Variants in CPEB2 observed in about 807,000 individuals in gnomAD.
CPEB2 encodes cytoplasmic polyadenylation element-binding protein 2.
CPEB2 carries 56 observed loss-of-function variants against 93.6 expected under a neutral mutation model. The ratio of observed to expected loss-of-function variants is 0.60; its 90% CI spans 0.48 to 0.75. CPEB2 has a LOEUF of 0.75. Among genes scored for constraint, CPEB2 ranks in the 30% least tolerant of loss-of-function variants. The probability of loss-of-function intolerance (pLI) is 0.00; values close to 1 mark genes in which losing one functional copy is unlikely to be tolerated. For synonymous variants in CPEB2, 764 were observed against 586.3 expected (o/e 1.30, Z -4.38); for missense variants, 1,579 against 1,395.1 (o/e 1.13, Z -2.10).
In CPEB2 at chr4:15,068,704, TA is replaced by T. The variant is rs1729878632; in HGVS notation, c.*2326del. On this transcript the variant is annotated 3_prime_UTR_variant, in exon 12 of 12. Coordinates refer to ENST00000538197, the MANE Select transcript of CPEB2 (RefSeq NM_001177382.2). ...TATTAAATAATGAACACAAATTATATAATTAAAATAATTGGAGATGTTGAAA... is the reference window on the plus strand; with the variant it reads ...TATTAAATAATGAACACAAATTATATATTAAAATAATTGGAGATGTTGAAA... 6.6e-6 allele frequency: 1 copy of T among 152,316 alleles called. No individual in the cohort carries two copies. The highest frequency in any genetic ancestry group is 2.4e-5 in the African/African-American group (1 of 41,424). 9.4% of individuals were successfully genotyped at this position (152,316 alleles called of 1,614,324 possible).
chr4:15,003,760 G>A lies in CPEB2; in HGVS notation c.1087G>A (p.Gly363Arg), dbSNP rs923018642. The A allele has an allele frequency of 8.1e-7, 1 of 1,234,980 alleles. No individual in the cohort carries two copies. The allele number at this position is 1,234,980 out of a possible 1,614,324, so 76.5% of individuals were successfully genotyped here. A position where few individuals can be genotyped will look rare whatever the true frequency, so the allele number is the denominator to read the frequency against. The change falls in exon 1 of 12, where the codon GGA becomes AGA. Residue 363 changes from glycine to arginine, a missense_variant. Physicochemically the swap from Gly to Arg is moderately radical, Grantham distance 125. Around this residue, in one of 2 missense-constraint regions of CPEB2, gnomAD observed 1,411 missense variants for 1,056.0 expected, o/e 1.34. Coordinates refer to ENST00000538197, the MANE Select transcript of CPEB2 (RefSeq NM_001177382.2). ...CGGCGGCGGGGGCGGGGGGCCCCCA[G>A]GAGGCGGAGGGGGAGGCGGCTCCGC... ...GGGGGGGGPP[G>R]GGGGGGSASP...
At chr4:15,055,788 A>T (rs1728660765) in intron 8 of CPEB2, among the ~76,000 whole-genome samples, 1 of 152,172 alleles carries the variant, frequency 6.6e-6, no homozygotes, top group Non-Finnish European at 1.5e-5. Context: ...CCAGTCCCAC[A>T]AACTGGCCTT....
Position 15,007,289 on chromosome 4 carries a change from G to A in CPEB2, c.1663-16G>A. The A allele has an allele frequency of 3.5e-6, 5 of 1,421,068 alleles. No individual in the cohort carries two copies. Among genetic ancestry groups the A allele is most frequent in the Non-Finnish European group, 4.6e-6 (5 of 1,079,238 alleles). The allele number at this position is 1,421,068 out of a possible 1,614,324, so 88.0% of individuals were successfully genotyped here. A position where few individuals can be genotyped will look rare whatever the true frequency, so the allele number is the denominator to read the frequency against. On this transcript the variant is annotated splice_polypyrimidine_tract_variant and intron_variant, in intron 1 of 11. Coordinates refer to ENST00000538197, the MANE Select transcript of CPEB2 (RefSeq NM_001177382.2). ...TTCTTTAAATGCCGCAATTTAAATA[G>A]CTATGTTTTCCCTAGCCTCTTCTGA...
At chr4:15,026,879 T>C (rs1725531596) in intron 4 of CPEB2, among the ~76,000 whole-genome samples, 1 of 152,216 alleles carries the variant, frequency 6.6e-6, no homozygotes, top group South Asian at 2.1e-4. Context: ...TATGCTTGTT[T>C]CTGAGGCTGT....
intron 4 of CPEB2, among the ~76,000 whole-genome samples, chr4:15,024,004 A>C (rs2109007136): frequency 6.6e-6 from 1 of 152,088 alleles, no homozygotes; most frequent in Middle Eastern, 3.4e-3. Flanking sequence ...CTTTTTCATA[A>C]AGCTTTCTTT....
chr4:15,013,843 T>G (rs1723790769), intron 3 of CPEB2, among the ~76,000 whole-genome samples: 1 of 152,030 alleles, frequency 6.6e-6, no homozygotes, highest in Non-Finnish European at 1.5e-5. Context: ...GCTGTTTTCT[T>G]TCCTAGAGTA....
intron 3 of CPEB2, among the ~76,000 whole-genome samples, chr4:15,013,198 A>G (rs911166544): frequency 6.6e-6 from 1 of 152,032 alleles, no homozygotes; most frequent in African/African-American, 2.4e-5. Context: ...TAAATATTAT[A>G]ATAAAAGAGG....
intron 5 of CPEB2, among the ~76,000 whole-genome samples, chr4:15,037,454 T>A (rs1297887344): frequency 6.6e-6 from 1 of 152,206 alleles, no homozygotes; most frequent in East Asian, 1.9e-4. Flanking sequence ...TGTATGCCTA[T>A]CCCTTCCTCT....
intron 6 of CPEB2, among the ~76,000 whole-genome samples, chr4:15,041,449 C>T (rs369074149): frequency 6.6e-6 from 1 of 151,322 alleles, no homozygotes; most frequent in East Asian, 1.9e-4. Flanking sequence ...GTTGCCCAGG[C>T]TGGAGTGCAG....
At chr4:15,032,035 A>T (rs77988559) in intron 4 of CPEB2, among the ~76,000 whole-genome samples, 3,889 of 152,292 alleles carry the variant, frequency 0.026, 74 homozygotes, top group Non-Finnish European at 0.038. Context: ...ACTGTGCTGA[A>T]AATTACTAAA....
intron 7 of CPEB2, 61 bp downstream of exon 7, chr4:15,052,645 G>T (rs1728339066): frequency 8.9e-7 from 1 of 1,125,698 alleles, no homozygotes; most frequent in Admixed American, 2.8e-5. Flanking sequence ...AAAAAGATAT[G>T]AAATTTAATG....
rs1722185676 is a variant in CPEB2, at chr4:15,003,058, G to C, written c.385G>C (p.Ala129Pro). The change falls in exon 1 of 12, where the codon GCG (alanine) becomes CCG (proline). Residue 129 changes from alanine (A) to proline (P), a missense_variant. Around this residue, in one of 2 missense-constraint regions of CPEB2, gnomAD observed 1,411 missense variants for 1,056.0 expected, o/e 1.34. Coordinates refer to ENST00000538197, the MANE Select transcript of CPEB2 (RefSeq NM_001177382.2). ...CCACCACCCCGGCGGCGGCACGATC[G>C]CGGGTGTGACCCACCTCCTCCCCTC... ...PDHHPGGGTI[A>P]GVTHLLPSQD... 2.6e-6 allele frequency: 4 copies of C among 1,519,880 alleles called. No homozygotes were observed. The highest frequency in any genetic ancestry group is 3.5e-6 in the Non-Finnish European group (4 of 1,142,022). 94.1% of individuals were successfully genotyped at this position (1,519,880 alleles called of 1,614,324 possible).
At chr4:15,024,841 G>A (rs1196093003) in intron 4 of CPEB2, among the ~76,000 whole-genome samples, 1 of 150,598 alleles carries the variant, frequency 6.6e-6, no homozygotes, top group African/African-American at 2.4e-5. Context: ...TGCCTCCCGG[G>A]TTCAAGTGAT....
chr4:15,051,436 T>C (rs901646323), intron 6 of CPEB2, among the ~76,000 whole-genome samples: 17 of 152,228 alleles, frequency 1.1e-4, no homozygotes, highest in Admixed American at 3.3e-4. Flanking sequence ...CATTTTCTTA[T>C]GTTTCTCCTT....
In CPEB2 at chr4:15,003,340, C is replaced by T. The variant is rs1165292623; in HGVS notation, c.667C>T (p.Gln223Ter). 1 of 1,398,044 alleles carries T rather than the reference C, an allele frequency of 7.2e-7. No homozygotes were observed. The highest frequency in any genetic ancestry group is 3.7e-5 in the Admixed American group (1 of 27,364). 86.6% of individuals were successfully genotyped at this position (1,398,044 alleles called of 1,614,324 possible). ...AGCCGGCCCGCTCCTCCAGCCGGCG[C>T]AGCTCGCTCAGCGCCAGCAGCAACA... ...PPAGPLLQPA[Q>*]LAQRQQQQPP... Residue 223 changes from glutamine (Q) to a stop codon, truncating the protein, a stop_gained, in exon 1 of 12, where the codon CAG becomes TAG. Coordinates refer to ENST00000538197, the MANE Select transcript of CPEB2 (RefSeq NM_001177382.2). LOFTEE classifies it high-confidence loss of function.
chr4:15,052,972 T>A (rs1728369763), intron 7 of CPEB2, among the ~76,000 whole-genome samples: 1 of 151,842 alleles, frequency 6.6e-6, no homozygotes, highest in Non-Finnish European at 1.5e-5. Context: ...TAAGATAATA[T>A]CTGCAATGCT....
rs960185658 is a variant in CPEB2 at position 15,067,239 on chromosome 4, G to A, written c.*859G>A. The stretch of plus-strand genomic sequence containing the variant: ...GTAGCATGAACAAATTATAAAATTT[G>A]TTTAAAAAAGCAAACTTGCATGCAT... On this transcript the variant is annotated 3_prime_UTR_variant, in exon 12 of 12. Coordinates refer to ENST00000538197, the MANE Select transcript of CPEB2 (RefSeq NM_001177382.2). 6.6e-6 allele frequency: 1 copy of A among 151,688 alleles called. No individual in the cohort carries two copies. The highest frequency in any genetic ancestry group is 2.4e-5 in the African/African-American group (1 of 41,354). 9.4% of individuals were successfully genotyped at this position (151,688 alleles called of 1,614,324 possible). A position where few individuals can be genotyped will look rare whatever the true frequency, so the allele number is the denominator to read the frequency against.
intron 4 of CPEB2, among the ~76,000 whole-genome samples, chr4:15,018,629 A>T (rs1462794329): frequency 6.6e-6 from 1 of 151,492 alleles, no homozygotes; most frequent in Non-Finnish European, 1.5e-5. Flanking sequence ...GCAGCTTATG[A>T]TTAAGAAGTT....
At chr4:15,037,488 C>A (rs1364921195) in intron 5 of CPEB2, among the ~76,000 whole-genome samples, 1 of 152,134 alleles carries the variant, frequency 6.6e-6, no homozygotes, top group Non-Finnish European at 1.5e-5. Context: ...CAAGTTACCA[C>A]AACTGTAGCT....
Sources: gnomAD v4.1 joint callset for allele counts (sites outside exome capture counted in the v4.1 genomes callset) on GRCh38, gnomAD v4.1.1 for gene constraint, gnomAD v4.1.1 regional missense constraint, MANE v1.5 for transcripts, NCBI Gene and HGNC (gene_info 2026-07-23, HGNC 2026-07-21) for gene names.